The following ARSG variants were observed in gnomAD, a reference collection of about 807,000 sequenced individuals.
ARSG encodes the protein arylsulfatase G.
A neutral mutation model predicts 50.5 loss-of-function variants in ARSG; 37 were observed. The observed-to-expected ratio is 0.73, with a 90% CI of 0.56 to 0.96. ARSG has a LOEUF of 0.96. Ranked by LOEUF, ARSG falls within the 50% of genes least tolerant of loss-of-function variation. The pLI is 0.00. For missense variants in ARSG, 629 were observed against 675.3 expected (o/e 0.93, Z 0.76); for synonymous variants, 225 against 254.6 (o/e 0.88, Z 1.11).
Position 68,389,296 on chromosome 17 carries a change from C to T in ARSG, c.1091+4124C>T, listed in dbSNP as rs138566492. Among the ~76,000 whole-genome samples the T allele has an allele frequency of 3.5e-3, 531 of 152,254 alleles. 4 individuals are homozygous for T. The highest frequency in any genetic ancestry group is 0.012 in the African/African-American group (509 of 41,546). On this transcript the variant is annotated intron_variant, in intron 9 of 11. Coordinates refer to ENST00000621439, the MANE Select transcript of ARSG (RefSeq NM_001267727.2). The stretch of plus-strand genomic sequence containing the variant: ...GCGCTTGGTTTGCTGGGGGGCATCC[C>T]CTGATGCTCTGGGACCCCTGCAACC...
chr17:68,362,451 A>C (rs1043953908), intron 6 of ARSG, among the ~76,000 whole-genome samples: 1 of 151,990 alleles, frequency 6.6e-6, no homozygotes, highest in African/African-American at 2.4e-5. Flanking sequence ...TTGTGTGGTC[A>C]CCACACACCG....
At chr17:68,382,408 C>T (rs192349184) in intron 8 of ARSG, among the ~76,000 whole-genome samples, 1 of 152,258 alleles carries the variant, frequency 6.6e-6, no homozygotes, top group African/African-American at 2.4e-5. Context: ...CTGAGGAGCA[C>T]TTAACTTGGT....
At position 68,379,421 on chromosome 17, in the gene ARSG, A is replaced by ATTTTTTTTTTTTTTTTTTTTT. The variant is rs375841879; in HGVS notation, c.983-5634_983-5614dup. Reference sequence around the variant, plus strand: ...GTGCCACCATGCCTGGAACACTACAATTTTTTTTTTTTTTTTTTTTTTTTT... The same window carrying ATTTTTTTTTTTTTTTTTTTTT: ...GTGCCACCATGCCTGGAACACTACAATTTTTTTTTTTTTTTTTTTTTTTTTTTTTTTTTTTTTTTTTTTTTT... On this transcript the variant is annotated intron_variant, in intron 8 of 11. Coordinates refer to ENST00000621439, the MANE Select transcript of ARSG (RefSeq NM_001267727.2). 6.9e-5 allele frequency among the ~76,000 whole-genome samples: 5 copies of ATTTTTTTTTTTTTTTTTTTTT among 72,248 alleles called. 1 individual carries two copies. Among genetic ancestry groups the ATTTTTTTTTTTTTTTTTTTTT allele is most frequent in the African/African-American group, 3.2e-4 (5 of 15,814 alleles). The allele number at this position is 72,248 out of a possible 152,430, so 47.4% of individuals were successfully genotyped here. A position where few individuals can be genotyped will look rare whatever the true frequency, so the allele number is the denominator to read the frequency against.
chr17:68,301,532 T>C (rs991620053), intron 1 of ARSG, among the ~76,000 whole-genome samples: 14 of 152,216 alleles, frequency 9.2e-5, no homozygotes, highest in Non-Finnish European at 1.9e-4. Flanking sequence ...GCTCTAGCAC[T>C]GTCTCTCACC....
chr17:68,310,596 G>T (rs1417993581), intron 2 of ARSG, among the ~76,000 whole-genome samples: 2 of 152,196 alleles, frequency 1.3e-5, no homozygotes, highest in Non-Finnish European at 2.9e-5. Flanking sequence ...TGGTCTGATT[G>T]TCCAGCTCGG....
At chr17:68,308,899 G>A (rs1433082187) in intron 2 of ARSG, among the ~76,000 whole-genome samples, 8 of 152,230 alleles carry the variant, frequency 5.3e-5, no homozygotes, top group African/African-American at 9.6e-5. Context: ...TGCCAGTCCC[G>A]CGCCCTGCGC....
the ARSG span, chr17:68,430,017 C>T: frequency 6.2e-7 from 1 of 1,614,092 alleles, no homozygotes. Flanking sequence ...ACAGATGTTC[C>T]TCTGTCCGGA....
At chr17:68,343,876 G>A (rs1290591996) in intron 3 of ARSG, 85 bp downstream of exon 3, 7 of 1,361,064 alleles carry the variant, frequency 5.1e-6, no homozygotes, top group Non-Finnish European at 7.0e-6. Context: ...CTCCCTGTCT[G>A]CTTTCCTGTT....
At chr17:68,402,823 C>G (rs1446310990) in intron 11 of ARSG, among the ~76,000 whole-genome samples, 1 of 152,192 alleles carries the variant, frequency 6.6e-6, no homozygotes, top group African/African-American at 2.4e-5. Flanking sequence ...CCTTGCCCAG[C>G]CTGATCCTGT....
chr17:68,442,408 T>C, the ARSG span, among the ~76,000 whole-genome samples: 1 of 145,650 alleles, frequency 6.9e-6, no homozygotes, highest in East Asian at 2.0e-4. Context: ...AAGGTTGCAG[T>C]GAGCTGAGAT....
chr17:68,307,691 G>A lies in ARSG; in HGVS notation c.198G>A (p.Lys66=), dbSNP rs782628896. 3 of 1,589,964 alleles carry A rather than the reference G, an allele frequency of 1.9e-6. No individual in the cohort carries two copies. The highest frequency in any genetic ancestry group is 1.3e-5 in the African/African-American group (1 of 74,558). The change falls in exon 2 of 12, where the codon AAG becomes AAA. Residue 66 remains lysine, a synonymous_variant. Transcript: ENST00000621439. ...CAAAGGACACTGCCAACCTTGATAA[G>A]ATGGCTTCGGAGGGAATGAGGTGAG... ...AETKDTANLD[K]MASEGMRFVD... is the part of the protein sequence containing the mutation.
intron 9 of ARSG, 116 bp from the exon 10 acceptor site, chr17:68,394,957 C>A: frequency 1.4e-6 from 2 of 1,451,528 alleles, no homozygotes; most frequent in Non-Finnish European, 1.9e-6. Context: ...GTTAAGCCAG[C>A]CCATAGGAGA....
chr17:68,365,560 C>T (rs937575687), intron 6 of ARSG, among the ~76,000 whole-genome samples: 19 of 152,190 alleles, frequency 1.2e-4, no homozygotes, highest in Non-Finnish European at 2.8e-4. Context: ...AAGCCTCTGG[C>T]TCAGGGTGCT....
In ARSG at chr17:68,271,905, C is replaced by T. The variant is rs1432472173; in HGVS notation, c.-552+12479C>T. The stretch of plus-strand genomic sequence containing the variant: ...GCAACCTCCACCTCCCGGGTTCAAG[C>T]GATTCTCCTGCCTCAGCCTCCTGAG... On this transcript the variant is annotated intron_variant, in intron 1 of 11. Coordinates refer to the ARSG transcript ENST00000448504. The surrounding 1 kb of genome is among the most constrained non-coding windows in gnomAD (Gnocchi z 5.3). 3.3e-5 allele frequency among the ~76,000 whole-genome samples: 5 copies of T among 152,168 alleles called. No homozygotes were observed. The highest frequency in any genetic ancestry group is 4.1e-4 in the South Asian group (2 of 4,822).
At position 68,385,077 on chromosome 17, in the gene ARSG, C is replaced by T; in HGVS notation, c.996C>T (p.Ala332=). The change falls in exon 9 of 12, where the codon GCC becomes GCT. Residue 332 remains alanine (A), a synonymous_variant. Coordinates refer to ENST00000621439, the MANE Select transcript of ARSG (RefSeq NM_001267727.2). ...FWQTRQGGSP[A]KQTTWEGGHR... ...CTCCTCTCACAGGGGGAAGTCCAGCCAAGCAGACGACCTGGGAAGGAGGGC... is the reference window on the plus strand; with the variant it reads ...CTCCTCTCACAGGGGGAAGTCCAGCTAAGCAGACGACCTGGGAAGGAGGGC... The T allele has an allele frequency of 2.5e-6, 4 of 1,614,018 alleles. No homozygotes were observed. The highest frequency in any genetic ancestry group is 3.4e-6 in the Non-Finnish European group (4 of 1,179,978).
chr17:68,362,937 TAATG>T (rs900401476), intron 6 of ARSG, among the ~76,000 whole-genome samples: 3 of 152,144 alleles, frequency 2.0e-5, no homozygotes, highest in African/African-American at 4.8e-5. Context: ...AATAAATATT[TAATG>T]AATGAATGAA....
chr17:68,269,430 C>G, intron 1 of ARSG: 1 of 1,304,830 alleles, frequency 7.7e-7, no homozygotes, highest in Non-Finnish European at 1.0e-6. Context: ...TCAGAAGCCT[C>G]TCAGTTTCAC....
chr17:68,316,749 T>C (rs1555768678), intron 2 of ARSG, among the ~76,000 whole-genome samples: 1 of 152,190 alleles, frequency 6.6e-6, no homozygotes, highest in African/African-American at 2.4e-5. Context: ...GTATTGGTGC[T>C]TGATGGGTGC....
intron 1 of ARSG, among the ~76,000 whole-genome samples, chr17:68,298,594 CAAA>C (rs562725952): frequency 7.1e-4 from 46 of 64,834 alleles, no homozygotes; most frequent in African/African-American, 2.8e-3. Context: ...GATCCTGTCT[CAAA>C]AAAAAAAAAA....
Sources: gnomAD v4.1 joint callset for allele counts (sites outside exome capture counted in the v4.1 genomes callset) on GRCh38, gnomAD v4.1.1 for gene constraint, Gnocchi (gnomAD v3.1) non-coding constraint, MANE v1.5 for transcripts, NCBI Gene and HGNC (gene_info 2026-07-23, HGNC 2026-07-21) for gene names.